Variants in FBXO32 observed in about 807,000 individuals in gnomAD.
The protein encoded by FBXO32 is F-box only protein 32.
A neutral mutation model predicts 48.3 loss-of-function variants in FBXO32; 15 were observed. That is an observed-to-expected ratio of 0.31 (90% CI 0.21 to 0.48). FBXO32 has a LOEUF of 0.48. Ranked by LOEUF, FBXO32 falls within the 20% of genes least tolerant of loss-of-function variation. The pLI is 0.99. For missense variants in FBXO32, 309 were observed against 432.7 expected (o/e 0.71, Z 2.54); for synonymous variants, 154 against 165.9 (o/e 0.93, Z 0.55).
At chr8:123,505,389 C>A (rs76507085) in intron 7 of FBXO32, among the ~76,000 whole-genome samples, 1 of 152,320 alleles carries the variant, frequency 6.6e-6, no homozygotes, top group East Asian at 1.9e-4. Flanking sequence ...GTGGGCACAA[C>A]AATGCCTATC....
intron 7 of FBXO32, among the ~76,000 whole-genome samples, chr8:123,505,747 C>T (rs1816603600): frequency 6.6e-6 from 1 of 151,848 alleles, no homozygotes; most frequent in Admixed American, 6.6e-5. Flanking sequence ...AAAAACAAAA[C>T]AAAACAAAAA....
At position 123,541,150 on chromosome 8, in the gene FBXO32, C is replaced by T; in HGVS notation, c.-136G>A. 2.3e-6 allele frequency: 1 copy of T among 431,136 alleles called. No homozygotes were observed. The allele number at this position is 431,136 out of a possible 1,614,324, so 26.7% of individuals were successfully genotyped here. ...GGGGCGGCGGGAACGGCGCGGGGCA[C>T]CCTGCGGGGTGGCGGGCGCGGAGAG... is the stretch of plus-strand genomic sequence containing the variant. On this transcript the variant is annotated 5_prime_UTR_variant, in exon 1 of 9. In the 5' UTR this introduces an upstream ATG that the reference lacks. Transcript: ENST00000517956.
At chr8:123,509,239 TAGAA>T (rs758524477) in intron 6 of FBXO32, among the ~76,000 whole-genome samples, 4 of 152,192 alleles carry the variant, frequency 2.6e-5, no homozygotes, top group African/African-American at 4.8e-5. Context: ...TTTGGCAAAA[TAGAA>T]AGCATTTACT....
At chr8:123,533,456 A>AG (rs1489505968) in intron 2 of FBXO32, among the ~76,000 whole-genome samples, 1 of 152,204 alleles carries the variant, frequency 6.6e-6, no homozygotes, top group Non-Finnish European at 1.5e-5. Flanking sequence ...TTTGAGAGCC[A>AG]GATTTCATAT....
chr8:123,533,589 C>T (rs1817251431), intron 2 of FBXO32, among the ~76,000 whole-genome samples: 1 of 152,146 alleles, frequency 6.6e-6, no homozygotes, highest in African/African-American at 2.4e-5. Flanking sequence ...AGGCGGATCA[C>T]TAGAGGTCAG....
chr8:123,534,302 T>C (rs1274853245), intron 2 of FBXO32, among the ~76,000 whole-genome samples: 2 of 152,178 alleles, frequency 1.3e-5, no homozygotes, highest in Non-Finnish European at 2.9e-5. Flanking sequence ...TACTTATATA[T>C]AGTATCTAGA....
At position 123,503,587 on chromosome 8, in the gene FBXO32, G is replaced by C. The variant is rs1296682195; in HGVS notation, c.979-125C>G. ...CAATAATGCCCCAGGCCTAAATGTT[G>C]CATGTTCTCACTCGTATGTGGGAGC... is the stretch of plus-strand genomic sequence containing the variant. On this transcript the variant is annotated intron_variant, in intron 8 of 8. Transcript: ENST00000517956. The C allele has an allele frequency of 3.4e-5, 23 of 672,240 alleles. No homozygotes were observed. In the Admixed American group the frequency reaches 5.6e-4, roughly 16 times the overall value. 41.6% of individuals were successfully genotyped at this position (672,240 alleles called of 1,614,324 possible).
intron 6 of FBXO32, among the ~76,000 whole-genome samples, chr8:123,512,658 A>G (rs1816759091): frequency 1.3e-5 from 2 of 152,064 alleles, no homozygotes; most frequent in African/African-American, 2.4e-5. Context: ...CCTCACTGGT[A>G]ATATACGGCT....
intron 4 of FBXO32, among the ~76,000 whole-genome samples, chr8:123,514,929 T>C (rs778792913): frequency 3.9e-5 from 6 of 152,240 alleles, no homozygotes; most frequent in Non-Finnish European, 7.3e-5. Flanking sequence ...AATTCAGGGA[T>C]GTATTTTATA....
intron 1 of FBXO32, among the ~76,000 whole-genome samples, chr8:123,538,850 A>C (rs1817359513): frequency 6.6e-6 from 1 of 152,188 alleles, no homozygotes; most frequent in African/African-American, 2.4e-5. Flanking sequence ...CTGTGCAGGA[A>C]ACCACCTGAT....
intron 2 of FBXO32, among the ~76,000 whole-genome samples, chr8:123,534,122 C>CAAAAA (rs74355915): frequency 7.5e-6 from 1 of 132,696 alleles, no homozygotes; most frequent in African/African-American, 2.8e-5. Context: ...CAAAAAACAC[C>CAAAAA]AAAAAAAAAA....
Position 123,531,846 on chromosome 8 carries a change from T to C in FBXO32, c.372+52A>G. On this transcript the variant is annotated intron_variant, in intron 4 of 8. Coordinates refer to ENST00000517956, the MANE Select transcript of FBXO32 (RefSeq NM_058229.4). ...ACTACTTCAAGACAACCCAAAGAGATGATTCAACTTGGGAAAGAGCCTGGA... is the reference window on the plus strand; with the variant it reads ...ACTACTTCAAGACAACCCAAAGAGACGATTCAACTTGGGAAAGAGCCTGGA... The C allele has an allele frequency of 2.5e-6, 4 of 1,598,646 alleles. No homozygotes were observed. In the Admixed American group the frequency reaches 5.4e-5, roughly 21 times the overall value.
In FBXO32 at chr8:123,514,320, A is replaced by C; in HGVS notation, c.386T>G (p.Ile129Arg). Reference sequence around the variant, plus strand: ...CAGGGATGTGAGCTGTGACTTTGCTATCAGCTCCAACAGCTGAGGATAAAA... The same window carrying C: ...CAGGGATGTGAGCTGTGACTTTGCTCTCAGCTCCAACAGCTGAGGATAAAA... ...FNYVVRLLEL[I>R]AKSQLTSLSG... Residue 129 changes from isoleucine (I) to arginine (R), a missense_variant, in exon 5 of 9, where the codon ATA becomes AGA. Ile to Arg is a moderately conservative substitution (Grantham distance 97, BLOSUM62 -3). Coordinates refer to ENST00000517956, the MANE Select transcript of FBXO32 (RefSeq NM_058229.4). 1.2e-6 allele frequency: 2 copies of C among 1,612,126 alleles called. No individual in the cohort carries two copies. The highest frequency in any genetic ancestry group is 1.7e-6 in the Non-Finnish European group (2 of 1,179,294).
At chr8:123,521,319 A>T (rs946527006) in intron 4 of FBXO32, among the ~76,000 whole-genome samples, 9 of 152,186 alleles carry the variant, frequency 5.9e-5, no homozygotes, top group Non-Finnish European at 8.8e-5. Context: ...GACTCAGGAA[A>T]CAGTTTACCC....
Position 123,506,627 on chromosome 8 carries a change from C to G in FBXO32, c.652-53G>C. On this transcript the variant is annotated intron_variant, in intron 6 of 8. Coordinates refer to ENST00000517956, the MANE Select transcript of FBXO32 (RefSeq NM_058229.4). This position sits in a 1 kb window ranked among gnomAD's most constrained non-coding sequence, Gnocchi z 4.0. ...GGGGGGCCAGAGAGCAGCGATTCAC[C>G]AGGCCACACCCTCCAGGCATGCAGC... The G allele has an allele frequency of 6.8e-7, 1 of 1,464,518 alleles. No homozygotes were observed. Among genetic ancestry groups the G allele is most frequent in the Non-Finnish European group, 9.3e-7 (1 of 1,072,924 alleles). The allele number at this position is 1,464,518 out of a possible 1,614,324, so 90.7% of individuals were successfully genotyped here.
rs1411390892 is a variant in FBXO32, at chr8:123,531,913, A to C, written c.357T>G (p.Phe119Leu). The C allele has an allele frequency of 6.2e-7, 1 of 1,614,088 alleles. No homozygotes were observed. The highest frequency in any genetic ancestry group is 1.7e-5 in the Admixed American group (1 of 60,014). The change falls in exon 4 of 9, where the codon TTT (phenylalanine) becomes TTG (leucine). Residue 119 changes from phenylalanine to leucine, a missense_variant. Transcript: ENST00000517956. ...FSTAILDSRR[F>L]NYVVRLLELI... The stretch of plus-strand genomic sequence containing the variant: ...TGAGACTTACCCGGACCACGTAGTT[A>C]AATCTTCTGGAATCCAGAATGGCAG...
In FBXO32 at chr8:123,506,764, T is replaced by A; in HGVS notation, c.652-190A>T. 1.7e-6 allele frequency: 1 copy of A among 596,370 alleles called. No homozygotes were observed. Among genetic ancestry groups the A allele is most frequent in the South Asian group, 2.1e-5 (1 of 48,328 alleles). 36.9% of individuals were successfully genotyped at this position (596,370 alleles called of 1,614,324 possible). On this transcript the variant is annotated intron_variant, in intron 6 of 8. Transcript: ENST00000517956. The surrounding 1 kb of genome is among the most constrained non-coding windows in gnomAD (Gnocchi z 4.0). ...ACCATGGCCATGACCCTCAATGAAG[T>A]GTGGAGTGCGCTGAGCTGAGTGGTG...
intron 7 of FBXO32, 145 bp from the exon 8 acceptor site, chr8:123,504,892 T>G: frequency 1.5e-6 from 1 of 688,518 alleles, no homozygotes; most frequent in Non-Finnish European, 2.4e-6. Context: ...TGTCACTATA[T>G]AAAGAAGTAC....
rs1308065037 is a variant in FBXO32 at position 123,499,999 on chromosome 8, A to C, written c.*3374T>G. 5 of 152,210 alleles carry C rather than the reference A, an allele frequency of 3.3e-5. No individual in the cohort carries two copies. The highest frequency in any genetic ancestry group is 7.3e-5 in the Non-Finnish European group (5 of 68,048). The allele number at this position is 152,210 out of a possible 1,614,324, so 9.4% of individuals were successfully genotyped here. On this transcript the variant is annotated 3_prime_UTR_variant, in exon 9 of 9. Coordinates refer to ENST00000517956, the MANE Select transcript of FBXO32 (RefSeq NM_058229.4). ...ACCTGATCATCATTAAACAAAAATC[A>C]TCTCACAACTGATACATTGGGGATG...
Sources: allele counts gnomAD v4.1 joint callset (sites outside exome capture counted in the v4.1 genomes callset), GRCh38; gene constraint gnomAD v4.1.1; non-coding constraint Gnocchi (gnomAD v3.1); transcripts MANE v1.5; gene names NCBI Gene and HGNC (gene_info 2026-07-23, HGNC 2026-07-21).